Variants in USP47 observed in about 807,000 individuals in gnomAD.
USP47 encodes the protein ubiquitin carboxyl-terminal hydrolase 47.
In USP47, 35 loss-of-function variants were observed where a neutral mutation model predicts 165.1. That is an observed-to-expected ratio of 0.21 (90% CI 0.16 to 0.28). The LOEUF is 0.28. Ranked by LOEUF, USP47 falls within the 10% of genes least tolerant of loss-of-function variation. The pLI is 1.00. For missense variants in USP47, 1,277 were observed against 1,607.4 expected, an observed-to-expected ratio of 0.79 and a Z score of 3.52; for synonymous variants, 531 against 544.5, an observed-to-expected ratio of 0.98 and a Z score of 0.35.
rs1855545375 is a variant in USP47, at chr11:11,942,509, G to A, written c.2488G>A (p.Gly830Ser). Residue 830 changes from glycine (G) to serine (S), a missense_variant, in exon 20 of 28, where the codon GGT (glycine) becomes AGT (serine). This residue lies in a region of USP47 where 909 missense variants were observed against 1,068.1 expected (regional missense o/e 0.85). Transcript: ENST00000527733. ...TAYQKAGGDS[G>S]NVDDDCERVK... is the part of the protein sequence containing the mutation. ...ATACCAGAAAGCTGGAGGCGATTCT[G>A]GTAATGTGGATGATGACTGTGAAAG... is the stretch of plus-strand genomic sequence containing the variant. The A allele has an allele frequency of 1.2e-6, 2 of 1,613,452 alleles. No individual in the cohort carries two copies. The highest frequency in any genetic ancestry group is 2.7e-5 in the African/African-American group (2 of 74,862).
At chr11:11,926,445 C>T (rs895053947) in intron 11 of USP47, among the ~76,000 whole-genome samples, 3 of 152,176 alleles carry the variant, frequency 2.0e-5, no homozygotes, top group African/African-American at 4.8e-5. Context: ...TCCATTTCTT[C>T]TAGGGTATCC....
chr11:11,882,559 C>T (rs1479748771), intron 2 of USP47, among the ~76,000 whole-genome samples: 1 of 152,124 alleles, frequency 6.6e-6, no homozygotes, highest in Non-Finnish European at 1.5e-5. Context: ...TCTGGTACAT[C>T]ACCACATAAT....
chr11:11,952,623 C>T, intron 24 of USP47, 118 bp from the exon 25 acceptor site: 1 of 1,207,430 alleles, frequency 8.3e-7, no homozygotes, highest in Non-Finnish European at 1.1e-6. Context: ...TTCTTGTGCC[C>T]ACTTTTTAAG....
chr11:11,950,657 G>A (rs1353952830), intron 24 of USP47, among the ~76,000 whole-genome samples, 175 bp downstream of exon 24: 1 of 152,012 alleles, frequency 6.6e-6, no homozygotes, highest in Non-Finnish European at 1.5e-5. Context: ...TCCTACCTAC[G>A]TCTTATCCTT....
intron 11 of USP47, among the ~76,000 whole-genome samples, chr11:11,923,721 A>C (rs192808207): frequency 2.3e-3 from 353 of 152,322 alleles, no homozygotes; most frequent in African/African-American, 8.0e-3. Context: ...TACTTTCATA[A>C]ATCTGTTTTT....
At chr11:11,902,632 C>T in intron 5 of USP47, 83 bp from the exon 6 acceptor site, 1 of 1,021,936 alleles carries the variant, frequency 9.8e-7, no homozygotes, top group Non-Finnish European at 1.3e-6. Flanking sequence ...TAAAATCTTA[C>T]ATTATTATGA....
chr11:11,877,801 CTCTCTGTGTGTGTG>C (rs1430802301), intron 1 of USP47, among the ~76,000 whole-genome samples: 27 of 50,464 alleles, frequency 5.4e-4, no homozygotes, highest in African/African-American at 1.5e-3. Flanking sequence ...CTCTCTCTCT[CTCTCTGTGTGTGTG>C]TGTGTGTGTG....
chr11:11,874,063 A>G, intron 1 of USP47, among the ~76,000 whole-genome samples: 1 of 152,176 alleles, frequency 6.6e-6, no homozygotes, highest in East Asian at 1.9e-4. Flanking sequence ...AATGAGGGAG[A>G]AAAAACTGAT....
chr11:11,873,791 A>G (rs756468234), intron 1 of USP47: 23 of 1,424,674 alleles, frequency 1.6e-5, no homozygotes, highest in Admixed American at 5.0e-5. Context: ...TTGTTCTTAT[A>G]TACCATAGGA....
chr11:11,906,678 A>T (rs557911103), intron 8 of USP47, among the ~76,000 whole-genome samples: 12 of 152,250 alleles, frequency 7.9e-5, no homozygotes, highest in Admixed American at 7.9e-4. Flanking sequence ...AAAGTTTTTT[A>T]GATGTTTAGT....
chr11:11,926,036 A>G (rs980177954), intron 11 of USP47, among the ~76,000 whole-genome samples: 1 of 152,156 alleles, frequency 6.6e-6, no homozygotes, highest in Non-Finnish European at 1.5e-5. Flanking sequence ...AGTGTATTAC[A>G]TTGATCACTT....
chr11:11,861,515 C>G (rs1849385758), intron 1 of USP47, among the ~76,000 whole-genome samples: 1 of 152,158 alleles, frequency 6.6e-6, no homozygotes, highest in South Asian at 2.1e-4. Flanking sequence ...TTTTAAAGTT[C>G]TGAAACTTTG....
chr11:11,891,045 T>G (rs1363715092), intron 3 of USP47, among the ~76,000 whole-genome samples: 1 of 152,154 alleles, frequency 6.6e-6, no homozygotes, highest in African/African-American at 2.4e-5. Context: ...TAAGGGATAC[T>G]GGACTTAATA....
chr11:11,867,335 T>A (rs1849748077), intron 1 of USP47, among the ~76,000 whole-genome samples: 1 of 152,198 alleles, frequency 6.6e-6, no homozygotes, highest in Non-Finnish European at 1.5e-5. Flanking sequence ...TTCCCTCTGC[T>A]TTCATTCTCT....
intron 1 of USP47, among the ~76,000 whole-genome samples, chr11:11,851,836 A>G (rs1848743484): frequency 6.6e-6 from 1 of 152,080 alleles, no homozygotes. Flanking sequence ...GGGTTTGTGG[A>G]TGCTCTCTCA....
chr11:11,872,033 C>G (rs1326493517), intron 1 of USP47, among the ~76,000 whole-genome samples: 6 of 152,230 alleles, frequency 3.9e-5, no homozygotes, highest in Non-Finnish European at 2.9e-5. Flanking sequence ...AACAATCTGC[C>G]CCCAGATCTA....
At chr11:11,912,982 G>A (rs1483235366) in intron 8 of USP47, among the ~76,000 whole-genome samples, 1 of 151,892 alleles carries the variant, frequency 6.6e-6, no homozygotes, top group East Asian at 1.9e-4. Flanking sequence ...AGATTACTAG[G>A]AATAGAGGGA....
At chr11:11,884,352 GA>G in intron 2 of USP47, 114 bp from the exon 3 acceptor site, 2 of 760,612 alleles carry the variant, frequency 2.6e-6, no homozygotes, top group Non-Finnish European at 4.0e-6. Context: ...TAGATGAAGA[GA>G]ATTTTACCAG....
At chr11:11,897,428 AT>A (rs1851918678) in intron 4 of USP47, among the ~76,000 whole-genome samples, 168 bp from the exon 5 acceptor site, 1 of 152,126 alleles carries the variant, frequency 6.6e-6, no homozygotes, top group South Asian at 2.1e-4. Context: ...CTTAGAGCAC[AT>A]ATTAGAAAAG....
Sources: gnomAD v4.1 joint callset for allele counts (sites outside exome capture counted in the v4.1 genomes callset) on GRCh38, gnomAD v4.1.1 for gene constraint, gnomAD v4.1.1 regional missense constraint, MANE v1.5 for transcripts, NCBI Gene and HGNC (gene_info 2026-07-23, HGNC 2026-07-21) for gene names.